Variants in DNAH11 observed in about 807,000 individuals in gnomAD.
DNAH11 encodes dynein axonemal heavy chain 11.
A neutral mutation model predicts 526.0 loss-of-function variants in DNAH11; 442 were observed. That is an observed-to-expected ratio of 0.84 (90% CI 0.78 to 0.91). The LOEUF is 0.91. DNAH11 is among the 40% of genes least tolerant of loss of function. The pLI is 0.00. For synonymous variants in DNAH11, 2,461 were observed against 1,935.9 expected, an observed-to-expected ratio of 1.27 and a Z score of -7.12; for missense variants, 6,989 against 5,448.7, an observed-to-expected ratio of 1.28 and a Z score of -8.90.
intron 14 of DNAH11, among the ~76,000 whole-genome samples, chr7:21,593,144 C>T (rs1215473453): frequency 6.6e-6 from 1 of 152,114 alleles, no homozygotes; most frequent in Non-Finnish European, 1.5e-5. Context: ...AGGAAAATCC[C>T]ACAGAGGATA....
chr7:21,548,960 C>T (rs1712369238), intron 2 of DNAH11, among the ~76,000 whole-genome samples: 1 of 151,930 alleles, frequency 6.6e-6, no homozygotes, highest in Non-Finnish European at 1.5e-5. Context: ...CAGCTCACTG[C>T]AACCTCTGCC....
At chr7:21,838,421 G>A (rs977351011) in intron 65 of DNAH11, among the ~76,000 whole-genome samples, 1 of 152,176 alleles carries the variant, frequency 6.6e-6, no homozygotes, top group African/African-American at 2.4e-5. Flanking sequence ...CCCACTCAAA[G>A]TGTGTAATTC....
chr7:21,850,433 T>A (rs941687327), intron 66 of DNAH11, among the ~76,000 whole-genome samples: 1 of 151,842 alleles, frequency 6.6e-6, no homozygotes, highest in East Asian at 1.9e-4. Context: ...TAGCATTTCC[T>A]TTTCATTCTT....
At chr7:21,637,347 A>C (rs565820825) in intron 26 of DNAH11, among the ~76,000 whole-genome samples, 2 of 152,054 alleles carry the variant, frequency 1.3e-5, no homozygotes, top group Admixed American at 6.5e-5. Context: ...TTGATTTAGA[A>C]GAGAAAAATT....
rs1782170047 is a variant in DNAH11 at position 21,659,805 on chromosome 7, T to C, written c.5328+774T>C. On this transcript the variant is annotated intron_variant, in intron 30 of 81. Transcript: ENST00000409508. ...CCCCTTTTCTGCTTTAGCAGTACTT[T>C]TACTTCAATAACTTGAGAATCAAAT... Among the ~76,000 whole-genome samples, 4 of 152,166 alleles carry C rather than the reference T, an allele frequency of 2.6e-5. No individual in the cohort carries two copies. The South Asian group carries it at 8.3e-4, about 31-fold the overall frequency.
At position 21,735,821 on chromosome 7, in the gene DNAH11, A is replaced by C; in HGVS notation, c.7622A>C (p.Tyr2541Ser). ...GTATCCCGTGTGCCTTTCAACTACT[A>C]CACGACATCCACAGCTCTGCAAAGT... ...YIVSRVPFNY[Y>S]TTSTALQKIL... Residue 2541 changes from tyrosine to serine, a missense_variant, in exon 46 of 82, where the codon TAC becomes TCC. Tyr to Ser is a moderately radical substitution (Grantham distance 144, BLOSUM62 -2). Coordinates refer to ENST00000409508, the MANE Select transcript of DNAH11 (RefSeq NM_001277115.2). 1 of 1,612,486 alleles carries C rather than the reference A, an allele frequency of 6.2e-7. No homozygotes were observed. The highest frequency in any genetic ancestry group is 8.5e-7 in the Non-Finnish European group (1 of 1,178,860).
At chr7:21,630,892 T>G (rs1488711483) in intron 25 of DNAH11, among the ~76,000 whole-genome samples, 2 of 152,228 alleles carry the variant, frequency 1.3e-5, no homozygotes, top group Non-Finnish European at 2.9e-5. Context: ...TTTAATATTA[T>G]TTATCTTGTA....
chr7:21,610,509 A>G (rs945064754), intron 20 of DNAH11, among the ~76,000 whole-genome samples: 1 of 152,232 alleles, frequency 6.6e-6, no homozygotes, highest in Non-Finnish European at 1.5e-5. Context: ...AGTACACAAT[A>G]AAACAATGAA....
intron 36 of DNAH11, among the ~76,000 whole-genome samples, chr7:21,701,875 C>T (rs1000633633): frequency 1.3e-5 from 2 of 152,114 alleles, no homozygotes; most frequent in East Asian, 1.9e-4. Flanking sequence ...CCCATAGACA[C>T]AGCTGAGAGA....
chr7:21,595,065 G>A (rs534368806), intron 14 of DNAH11, among the ~76,000 whole-genome samples: 1 of 152,270 alleles, frequency 6.6e-6, no homozygotes, highest in African/African-American at 2.4e-5. Flanking sequence ...GGCTGATATA[G>A]CAAAATACTC....
intron 56 of DNAH11, among the ~76,000 whole-genome samples, chr7:21,777,490 G>A (rs1787729311): frequency 6.6e-6 from 1 of 152,094 alleles, no homozygotes; most frequent in Non-Finnish European, 1.5e-5. Context: ...TAGAAAACAG[G>A]CAAATTCTTT....
chr7:21,695,890 A>AG (rs1346754364), intron 35 of DNAH11, among the ~76,000 whole-genome samples: 1 of 151,896 alleles, frequency 6.6e-6, no homozygotes, highest in African/African-American at 2.4e-5. Flanking sequence ...TAAATTTAGA[A>AG]GGAAAAAAAA....
At chr7:21,679,369 AAG>A (rs1266473292) in intron 30 of DNAH11, among the ~76,000 whole-genome samples, 2 of 152,222 alleles carry the variant, frequency 1.3e-5, no homozygotes, top group African/African-American at 2.4e-5. Context: ...GAAATTTGCT[AAG>A]AGAGTAAATA....
At chr7:21,742,387 T>C (rs1430501243) in intron 49 of DNAH11, among the ~76,000 whole-genome samples, 1 of 152,162 alleles carries the variant, frequency 6.6e-6, no homozygotes, top group Non-Finnish European at 1.5e-5. Flanking sequence ...TAGAAGGTGA[T>C]GGGGAGCCAG....
At chr7:21,852,914 G>C (rs890019971) in intron 67 of DNAH11, among the ~76,000 whole-genome samples, 5 of 152,142 alleles carry the variant, frequency 3.3e-5, no homozygotes, top group African/African-American at 1.2e-4. Context: ...AGGCCTGCTG[G>C]CTTCTATGGC....
rs201806999 is a variant in DNAH11 at position 21,615,236 on chromosome 7, G to T, written c.3975G>T (p.Leu1325Phe). ...AACAGTGTCGCAAAGAAATAAAATTGCTCAAGGGACTGTGGGATGTCATTA... is the reference window on the plus strand; with the variant it reads ...AACAGTGTCGCAAAGAAATAAAATTTCTCAAGGGACTGTGGGATGTCATTA... ...QMKQCRKEIK[L>F]LKGLWDVIIY... Residue 1325 changes from leucine to phenylalanine, a missense_variant, in exon 21 of 82, where the codon TTG (leucine) becomes TTT (phenylalanine). Transcript: ENST00000409508. The T allele has an allele frequency of 2.5e-5, 41 of 1,613,288 alleles. No homozygotes were observed. The highest frequency in any genetic ancestry group is 2.1e-5 in the Non-Finnish European group (25 of 1,179,584).
At chr7:21,732,191 A>C (rs1219620426) in intron 45 of DNAH11, among the ~76,000 whole-genome samples, 1 of 152,134 alleles carries the variant, frequency 6.6e-6, no homozygotes, top group Non-Finnish European at 1.5e-5. Flanking sequence ...TAGCAGTCCA[A>C]GTTCAAGGTG....
intron 9 of DNAH11, among the ~76,000 whole-genome samples, chr7:21,585,185 G>A (rs974654567): frequency 6.6e-6 from 1 of 152,122 alleles, no homozygotes; most frequent in Admixed American, 6.6e-5. Flanking sequence ...CGGGGGTGTG[G>A]CATCATCTTA....
At chr7:21,755,920 T>C (rs1786613236) in intron 54 of DNAH11, among the ~76,000 whole-genome samples, 1 of 152,190 alleles carries the variant, frequency 6.6e-6, no homozygotes, top group African/African-American at 2.4e-5. Context: ...TTGCTGTAAC[T>C]TCTTATTGTT....
Sources: allele counts gnomAD v4.1 joint callset (sites outside exome capture counted in the v4.1 genomes callset), GRCh38; gene constraint gnomAD v4.1.1; transcripts MANE v1.5; gene names NCBI Gene and HGNC (gene_info 2026-07-23, HGNC 2026-07-21).